PHF21B: variants seen among roughly 807,000 people sequenced by gnomAD.
PHF21B encodes the protein PHD finger protein 21B.
Under a neutral mutation model 62.2 loss-of-function variants are expected in PHF21B, and 22 were observed. That is an observed-to-expected ratio of 0.35 (90% CI 0.25 to 0.51). The LOEUF (loss-of-function observed/expected upper bound fraction) is 0.51. Ranked by LOEUF, PHF21B falls within the 20% of genes least tolerant of loss-of-function variation. PHF21B has a pLI of 0.97. For missense variants in PHF21B, 701 were observed against 707.9 expected (o/e 0.99, Z 0.11); for synonymous variants, 341 against 314.7 (o/e 1.08, Z -0.88).
intron 2 of PHF21B, among the ~76,000 whole-genome samples, chr22:45,004,764 C>T (rs1030940046): frequency 6.6e-6 from 1 of 152,226 alleles, no homozygotes; most frequent in African/African-American, 2.4e-5. Flanking sequence ...GCTGGTAAGT[C>T]ATGGTGAAGA....
intron 2 of PHF21B, among the ~76,000 whole-genome samples, chr22:44,957,260 G>A (rs1001202541): frequency 4.6e-5 from 7 of 152,240 alleles, no homozygotes; most frequent in Admixed American, 2.6e-4. Flanking sequence ...GTCAGGCACC[G>A]GACGGTGCAC....
intron 2 of PHF21B, among the ~76,000 whole-genome samples, chr22:44,921,331 C>T (rs2071531243): frequency 6.6e-6 from 1 of 152,040 alleles, no homozygotes; most frequent in African/African-American, 2.4e-5. Context: ...CACCACTACC[C>T]ACAGCCCCCG....
intron 5 of PHF21B, chr22:44,902,470 A>T: frequency 5.9e-6 from 1 of 170,390 alleles, no homozygotes; most frequent in Non-Finnish European, 1.3e-5. Context: ...AAAATAAAAT[A>T]ACTATTTTTT....
intron 6 of PHF21B, among the ~76,000 whole-genome samples, chr22:44,894,589 G>A (rs368589977): frequency 6.6e-6 from 1 of 152,190 alleles, no homozygotes. Context: ...ACCATCAGGC[G>A]GGGAGCTCAC....
At chr22:44,957,585 C>T (rs1358835348) in intron 2 of PHF21B, among the ~76,000 whole-genome samples, 1 of 152,154 alleles carries the variant, frequency 6.6e-6, no homozygotes, top group Admixed American at 6.5e-5. Context: ...GCCTTGAGTT[C>T]CCATTTGTTT....
chr22:44,948,149 G>C (rs150562464), intron 2 of PHF21B, among the ~76,000 whole-genome samples: 22 of 152,198 alleles, frequency 1.4e-4, no homozygotes, highest in African/African-American at 5.3e-4. Context: ...GATGGTTTTG[G>C]GATGATTCAA....
intron 5 of PHF21B, among the ~76,000 whole-genome samples, chr22:44,907,468 T>G (rs1419096264): frequency 1.3e-5 from 2 of 152,116 alleles, no homozygotes; most frequent in African/African-American, 4.8e-5. Flanking sequence ...ACGTGCCTGG[T>G]GCGGAGTGGG....
In PHF21B at chr22:44,916,529, G is replaced by T; in HGVS notation, c.315C>A (p.Ser105Arg). 1 of 1,609,648 alleles carries T rather than the reference G, an allele frequency of 6.2e-7. No homozygotes were observed. Residue 105 changes from serine (S) to arginine (R), a missense_variant, in exon 4 of 13, where the codon AGC (serine) becomes AGA (arginine). Coordinates refer to ENST00000313237, the MANE Select transcript of PHF21B (RefSeq NM_138415.5). ...GGAGGGCTGGGCTGGGGTTCTTGAC[G>T]CTGACCACGGTGGCCTTCTGGAATG... ...PPTFQKATVV[S>R]VKNPSPALPT...
At chr22:44,919,273 C>T (rs2071493342) in intron 3 of PHF21B, among the ~76,000 whole-genome samples, 1 of 152,224 alleles carries the variant, frequency 6.6e-6, no homozygotes, top group African/African-American at 2.4e-5. Flanking sequence ...CTAGACCAAG[C>T]CTGTCCAAAC....
intron 2 of PHF21B, among the ~76,000 whole-genome samples, chr22:45,004,171 C>A (rs1467639778): frequency 1.3e-5 from 2 of 152,130 alleles, no homozygotes; most frequent in African/African-American, 4.8e-5. Context: ...GAAGGCTGTA[C>A]AGATCTGTCA....
chr22:44,940,306 G>C (rs1239286223), intron 2 of PHF21B, among the ~76,000 whole-genome samples: 1 of 152,208 alleles, frequency 6.6e-6, no homozygotes, highest in Admixed American at 6.5e-5. Context: ...TCACCAGCAA[G>C]CCTGCACCCA....
intron 2 of PHF21B, among the ~76,000 whole-genome samples, chr22:44,964,537 C>T (rs536903146): frequency 2.6e-5 from 4 of 152,336 alleles, no homozygotes; most frequent in East Asian, 1.9e-4. Flanking sequence ...TTACTCACTG[C>T]GGCTCAGCAT....
chr22:44,889,168 C>T (rs2070915105), intron 9 of PHF21B, among the ~76,000 whole-genome samples: 1 of 152,012 alleles, frequency 6.6e-6, no homozygotes, highest in Non-Finnish European at 1.5e-5. Flanking sequence ...AGAATTAGAT[C>T]AGAAATTCAG....
chr22:44,936,456 A>C (rs1001810407), intron 2 of PHF21B, among the ~76,000 whole-genome samples: 4 of 152,026 alleles, frequency 2.6e-5, no homozygotes, highest in African/African-American at 9.7e-5. Context: ...CTCTCCTTCG[A>C]GCTCCAGATC....
At position 45,009,331 on chromosome 22, in the gene PHF21B, AG is replaced by A; in HGVS notation, c.54+164del. On this transcript the variant is annotated intron_variant, in intron 1 of 12. Coordinates refer to ENST00000313237, the MANE Select transcript of PHF21B (RefSeq NM_138415.5). This position sits in a 1 kb window ranked among gnomAD's most constrained non-coding sequence, Gnocchi z 5.9. ...GCCAGGGGCAGGCGGAGGGGAGCCC[AG>A]AAGGGGGTCCGCGCGTGTGCTCACT... is the stretch of plus-strand genomic sequence containing the variant. The A allele has an allele frequency of 1.4e-6, 1 of 714,510 alleles. No individual in the cohort carries two copies. Among genetic ancestry groups the A allele is most frequent in the South Asian group, 2.0e-5 (1 of 50,100 alleles). 44.3% of individuals were successfully genotyped at this position (714,510 alleles called of 1,614,324 possible).
chr22:44,929,587 C>G (rs1280322361), intron 2 of PHF21B, among the ~76,000 whole-genome samples: 1 of 152,242 alleles, frequency 6.6e-6, no homozygotes, highest in African/African-American at 2.4e-5. Context: ...GACTTCTGGA[C>G]TGGCGCTGGT....
chr22:44,898,627 T>A (rs2071101821), intron 5 of PHF21B, among the ~76,000 whole-genome samples: 1 of 152,240 alleles, frequency 6.6e-6, no homozygotes, highest in Non-Finnish European at 1.5e-5. Context: ...GTAAAAATTT[T>A]AAAATGCATC....
At chr22:44,973,295 A>G (rs1030059769) in intron 2 of PHF21B, among the ~76,000 whole-genome samples, 2 of 152,220 alleles carry the variant, frequency 1.3e-5, no homozygotes, top group Admixed American at 6.5e-5. Flanking sequence ...CAACCTATGC[A>G]CATCAACTTC....
intron 2 of PHF21B, among the ~76,000 whole-genome samples, chr22:45,005,645 T>C (rs1032938572): frequency 4.6e-5 from 7 of 152,220 alleles, no homozygotes; most frequent in African/African-American, 1.7e-4. Context: ...AGGATTCCGC[T>C]GCTGGCGTAC....
Sources: allele counts gnomAD v4.1 joint callset (sites outside exome capture counted in the v4.1 genomes callset), GRCh38; gene constraint gnomAD v4.1.1; non-coding constraint Gnocchi (gnomAD v3.1); transcripts MANE v1.5; gene names NCBI Gene and HGNC (gene_info 2026-07-23, HGNC 2026-07-21).